The following DNHD1 variants were observed in gnomAD, a reference collection of about 807,000 sequenced individuals.
DNHD1 encodes the protein dynein heavy chain domain 1.
A neutral mutation model predicts 458.1 loss-of-function variants in DNHD1; 383 were observed. The observed-to-expected ratio is 0.84, with a 90% CI of 0.77 to 0.91. DNHD1 has a LOEUF of 0.91. DNHD1 is among the 40% of genes least tolerant of loss of function. DNHD1 has a pLI of 0.00. For missense variants in DNHD1, 5,336 were observed against 5,866.1 expected (o/e 0.91, Z 2.95); for synonymous variants, 2,203 against 2,376.9 (o/e 0.93, Z 2.13).
intron 6 of DNHD1, 26 bp downstream of exon 6, chr11:6,509,298 T>A: frequency 1.3e-6 from 2 of 1,576,326 alleles, no homozygotes; most frequent in South Asian, 2.3e-5. Context: ...CACAACTTCA[T>A]TGAGTTTTTA....
At chr11:6,506,961 G>T (rs1043330943) in intron 4 of DNHD1, among the ~76,000 whole-genome samples, 1 of 152,158 alleles carries the variant, frequency 6.6e-6, no homozygotes, top group Non-Finnish European at 1.5e-5. Context: ...TTTGGTGGGG[G>T]TAGATATTGA....
rs186467029 is a variant in DNHD1 at position 6,509,288 on chromosome 11, C to T, written c.1235+16C>T. ...ATATTAGCAGGTGAGGTATTAAAAA[C>T]ACAACTTCATTGAGTTTTTAAAAAT... is the stretch of plus-strand genomic sequence containing the variant. On this transcript the variant is annotated intron_variant, in intron 6 of 42. Coordinates refer to ENST00000254579, the MANE Select transcript of DNHD1 (RefSeq NM_144666.3). 1.5e-3 allele frequency: 2,425 copies of T among 1,594,020 alleles called. 6 individuals are homozygous for T. Among genetic ancestry groups the T allele is most frequent in the Middle Eastern group, 8.0e-3 (48 of 5,980 alleles).
intron 7 of DNHD1, among the ~76,000 whole-genome samples, chr11:6,515,199 A>G (rs978440537): frequency 2.0e-5 from 3 of 152,220 alleles, no homozygotes; most frequent in Admixed American, 2.0e-4. Flanking sequence ...CATTCAAATC[A>G]TAGCAACTCC....
rs1853655567 is a variant in DNHD1 at position 6,564,521 on chromosome 11, A to G, written c.10473A>G (p.Lys3491=). ...DVAQALKRKQ[K]SVSIPPKNPL... ...CACAGGCACTGAAGCGGAAGCAAAAATCTGTCAGCATACCACCAAAGAACC... is the reference window on the plus strand; with the variant it reads ...CACAGGCACTGAAGCGGAAGCAAAAGTCTGTCAGCATACCACCAAAGAACC... The change falls in exon 32 of 43, where the codon AAA becomes AAG. Residue 3491 remains lysine, a synonymous_variant. Coordinates refer to ENST00000254579, the MANE Select transcript of DNHD1 (RefSeq NM_144666.3). 1 of 1,551,600 alleles carries G rather than the reference A, an allele frequency of 6.4e-7. No homozygotes were observed. Among genetic ancestry groups the G allele is most frequent in the East Asian group, 2.4e-5 (1 of 40,900 alleles).
Position 6,539,989 on chromosome 11 carries a change from CGAGCCCCCAGCCTCA to C in DNHD1, c.3539_3553del (p.Pro1180_Glu1184del), listed in dbSNP as rs1381444433. On this transcript the variant is annotated inframe_deletion, in exon 18 of 43. Coordinates refer to ENST00000254579, the MANE Select transcript of DNHD1 (RefSeq NM_144666.3). ...TCAACTTCATCCTGCATGTACCCTACGAGCCCCCAGCCTCAGAGCGCTCCAAGAGGCAGGTGCTCC... is the reference window on the plus strand; with the variant it reads ...TCAACTTCATCCTGCATGTACCCTACGAGCGCTCCAAGAGGCAGGTGCTCC... 69 of 1,551,632 alleles carry C rather than the reference CGAGCCCCCAGCCTCA, an allele frequency of 4.4e-5. No homozygotes were observed. The Middle Eastern group carries it at 1.2e-3, about 26-fold the overall frequency.
In DNHD1 at chr11:6,545,868, A is replaced by G; in HGVS notation, c.4929A>G (p.Leu1643=). Residue 1643 remains leucine (L), a synonymous_variant, in exon 21 of 43, where the codon CTA becomes CTG. Coordinates refer to ENST00000254579, the MANE Select transcript of DNHD1 (RefSeq NM_144666.3). This position sits in a 1 kb window ranked among gnomAD's most constrained non-coding sequence, Gnocchi z 4.9. The stretch of plus-strand genomic sequence containing the variant: ...CAGCGGCATGCTGGATAGATGTGCT[A>G]GGCAGGTCCTTCCTGTACAATTACG... The part of the protein sequence containing the change: ...LSPAACWIDV[L]GRSFLYNYEY... The G allele has an allele frequency of 2.6e-6, 4 of 1,551,840 alleles. No homozygotes were observed. The highest frequency in any genetic ancestry group is 3.5e-6 in the Non-Finnish European group (4 of 1,147,010).
chr11:6,528,525 A>T lies in DNHD1; in HGVS notation c.1841A>T (p.Glu614Val), dbSNP rs1852761679. ...ATTATGGCCTGTGCTCCACTAGAAG[A>T]AGATGAAGAGGAGGACTCAAAAGAC... is the stretch of plus-strand genomic sequence containing the variant. Reference protein sequence around the residue: ...TSSDSLYSEEEDEEEDSKDEF... With the variant: ...TSSDSLYSEEVDEEEDSKDEF... The change falls in exon 11 of 43, where the codon GAA (glutamate) becomes GTA (valine). Residue 614 changes from glutamate to valine, a missense_variant. Coordinates refer to ENST00000254579, the MANE Select transcript of DNHD1 (RefSeq NM_144666.3). The T allele has an allele frequency of 6.5e-7, 1 of 1,548,710 alleles. No homozygotes were observed. The highest frequency in any genetic ancestry group is 1.4e-5 in the African/African-American group (1 of 72,962).
intron 10 of DNHD1, among the ~76,000 whole-genome samples, chr11:6,523,160 T>G (rs370819109): frequency 3.3e-5 from 5 of 152,358 alleles, no homozygotes; most frequent in African/African-American, 4.8e-5. Context: ...TCTGTTACAC[T>G]GAAAAGAGAC....
In DNHD1 at chr11:6,497,919, G is replaced by A. The variant is rs1404927678; in HGVS notation, c.-297G>A. The A allele has an allele frequency of 2.0e-5, 9 of 455,474 alleles. No homozygotes were observed. The highest frequency in any genetic ancestry group is 5.9e-5 in the African/African-American group (3 of 50,960). The allele number at this position is 455,474 out of a possible 1,614,324, so 28.2% of individuals were successfully genotyped here. A position where few individuals can be genotyped will look rare whatever the true frequency, so the allele number is the denominator to read the frequency against. On this transcript the variant is annotated 5_prime_UTR_variant, in exon 3 of 43. Transcript: ENST00000254579. The stretch of plus-strand genomic sequence containing the variant: ...GGGCTCTCACGTCTGTCTTAGGCCT[G>A]CTCCTTACCAGAGTCTTTGGGGAAG...
At chr11:6,526,897 G>A (rs572896539) in intron 10 of DNHD1, among the ~76,000 whole-genome samples, 19 of 152,298 alleles carry the variant, frequency 1.2e-4, no homozygotes, top group Non-Finnish European at 2.6e-4. Context: ...GTAAATGCTT[G>A]ATGACTGTTT....
Position 6,567,255 on chromosome 11 carries a change from C to G in DNHD1, c.11746C>G (p.Arg3916Gly), listed in dbSNP as rs1376174893. Reference sequence around the variant, plus strand: ...ACTGCAATTGAGAGCACACCTGACCCGCCAGCTGCTGGGCAGCACCGTGAC... The same window carrying G: ...ACTGCAATTGAGAGCACACCTGACCGGCCAGCTGCTGGGCAGCACCGTGAC... ...HLLQLRAHLT[R>G]QLLGSTVTAL... The change falls in exon 36 of 43, where the codon CGC (arginine) becomes GGC (glycine). Residue 3916 changes from arginine to glycine, a missense_variant. Physicochemically the swap from Arg to Gly is moderately radical, Grantham distance 125. This residue lies in a region of DNHD1 where 695 missense variants were observed against 804.2 expected (regional missense o/e 0.86). Coordinates refer to ENST00000254579, the MANE Select transcript of DNHD1 (RefSeq NM_144666.3). 1 of 1,613,902 alleles carries G rather than the reference C, an allele frequency of 6.2e-7. No homozygotes were observed. Among genetic ancestry groups the G allele is most frequent in the Non-Finnish European group, 8.5e-7 (1 of 1,179,910 alleles).
In DNHD1 at chr11:6,545,747, G is replaced by A. The variant is rs763741199; in HGVS notation, c.4808G>A (p.Arg1603His). Residue 1603 changes from arginine (R) to histidine (H), a missense_variant, in exon 21 of 43, where the codon CGC (arginine) becomes CAC (histidine). Coordinates refer to ENST00000254579, the MANE Select transcript of DNHD1 (RefSeq NM_144666.3). This position sits in a 1 kb window ranked among gnomAD's most constrained non-coding sequence, Gnocchi z 4.9. Reference protein sequence around the residue: ...VSDLTDFHWVRQLKYHLGSPH... With the variant: ...VSDLTDFHWVHQLKYHLGSPH... ...GATCTCACAGACTTTCACTGGGTCC[G>A]CCAACTCAAGTATCACTTGGGTTCA... The A allele has an allele frequency of 1.7e-5, 27 of 1,551,626 alleles. No homozygotes were observed. The South Asian group carries it at 2.1e-4, about 12-fold the overall frequency.
At chr11:6,535,846 G>C (rs1412673488) in intron 14 of DNHD1, among the ~76,000 whole-genome samples, 4 of 152,272 alleles carry the variant, frequency 2.6e-5, no homozygotes, top group East Asian at 3.9e-4. Context: ...GGGCAAATTT[G>C]ATGAGGAGCA....
chr11:6,519,976 GA>G lies in DNHD1; in HGVS notation c.1662del (p.Lys554AsnfsTer25). On this transcript the variant is annotated frameshift_variant, in exon 9 of 43. Transcript: ENST00000254579. LOFTEE classifies it high-confidence loss of function. Reference protein sequence around the residue: ...VANILQAPRQKPFLSSQLVFD... With the variant: ...VANILQAPRQXPFLSSQLVFD... ...CCTTTTTTTTACAGGCCCCAAGGCA[GA>G]AACCCTTTCTCTCATCACAGCTGGT... The G allele has an allele frequency of 6.2e-7, 1 of 1,614,182 alleles. No individual in the cohort carries two copies. Among genetic ancestry groups the G allele is most frequent in the African/African-American group, 1.3e-5 (1 of 75,030 alleles).
chr11:6,571,210 G>C lies in DNHD1; in HGVS notation c.13698G>C (p.Leu4566Phe). Residue 4566 changes from leucine (L) to phenylalanine (F), a missense_variant, in exon 42 of 43, where the codon TTG (leucine) becomes TTC (phenylalanine). This residue lies in a region of DNHD1 where 698 missense variants were observed against 664.9 expected (regional missense o/e 1.05). Transcript: ENST00000254579. The surrounding 1 kb of genome is among the most constrained non-coding windows in gnomAD (Gnocchi z 5.0). ...SRRGQLLVRY[L>F]GVGADASSDV... ...GTGGGCAACTGTTGGTTCGTTACTT[G>C]GGCGTGGGCGCGGACGCGAGCAGTG... 1.2e-6 allele frequency: 2 copies of C among 1,607,658 alleles called. No homozygotes were observed. Among genetic ancestry groups the C allele is most frequent in the Non-Finnish European group, 1.7e-6 (2 of 1,176,346 alleles).
chr11:6,524,459 C>T (rs985116165), intron 10 of DNHD1, among the ~76,000 whole-genome samples: 1 of 152,158 alleles, frequency 6.6e-6, no homozygotes, highest in African/African-American at 2.4e-5. Flanking sequence ...ATAACTACTT[C>T]TTTCAAATAA....
Position 6,548,677 on chromosome 11 carries a change from T to G in DNHD1, c.7131T>G (p.Leu2377=), listed in dbSNP as rs370487798. The G allele has an allele frequency of 1.3e-6, 2 of 1,551,554 alleles. No individual in the cohort carries two copies. Among genetic ancestry groups the G allele is most frequent in the African/African-American group, 2.7e-5 (2 of 73,048 alleles). ...TERLLYVVDL[L]LSGGQPVLLA... is the part of the protein sequence containing the mutation. ...GGCTCTTGTATGTGGTGGACCTGCT[T>G]CTGTCAGGGGGACAGCCAGTGTTGC... The change falls in exon 24 of 43, where the codon CTT becomes CTG. Residue 2377 remains leucine, a synonymous_variant. Coordinates refer to ENST00000254579, the MANE Select transcript of DNHD1 (RefSeq NM_144666.3). This position sits in a 1 kb window ranked among gnomAD's most constrained non-coding sequence, Gnocchi z 4.4.
intron 10 of DNHD1, among the ~76,000 whole-genome samples, chr11:6,522,225 A>C (rs1270086970): frequency 6.6e-6 from 1 of 151,866 alleles, no homozygotes; most frequent in Non-Finnish European, 1.5e-5. Flanking sequence ...AGTTCCTTAT[A>C]GATGCTAGAT....
In DNHD1 at chr11:6,567,612, C is replaced by T. The variant is rs1267914292; in HGVS notation, c.12103C>T (p.Leu4035Phe). 2 of 1,613,704 alleles carry T rather than the reference C, an allele frequency of 1.2e-6. No homozygotes were observed. The highest frequency in any genetic ancestry group is 1.7e-6 in the Non-Finnish European group (2 of 1,179,834). ...GPAPGPGPEP[L>F]SLLQKLILWR... ...TGCACCTGGGCCAGGGCCTGAGCCA[C>T]TCAGCCTCCTCCAGAAGCTGATCCT... The change falls in exon 36 of 43, where the codon CTC (leucine) becomes TTC (phenylalanine). Residue 4035 changes from leucine to phenylalanine, a missense_variant. Coordinates refer to ENST00000254579, the MANE Select transcript of DNHD1 (RefSeq NM_144666.3).
Sources: allele counts gnomAD v4.1 joint callset (sites outside exome capture counted in the v4.1 genomes callset), GRCh38; gene constraint gnomAD v4.1.1; regional missense constraint gnomAD v4.1.1; non-coding constraint Gnocchi (gnomAD v3.1); transcripts MANE v1.5; gene names NCBI Gene and HGNC (gene_info 2026-07-23, HGNC 2026-07-21).